The following POLR1B variants were observed in gnomAD, a reference collection of about 807,000 sequenced individuals.
POLR1B encodes the protein RNA polymerase I subunit B.
Under a neutral mutation model 105.8 loss-of-function variants are expected in POLR1B, and 30 were observed. The ratio of observed to expected loss-of-function variants is 0.28; its 90% CI spans 0.21 to 0.38. The LOEUF is 0.38. Among genes scored for constraint, POLR1B ranks in the 10% least tolerant of loss-of-function variants. The probability of loss-of-function intolerance (pLI) is 1.00; values close to 1 mark genes in which losing one functional copy is unlikely to be tolerated. For synonymous variants in POLR1B, 485 were observed against 505.1 expected, an observed-to-expected ratio of 0.96 and a Z score of 0.53; for missense variants, 976 against 1,435.8, an observed-to-expected ratio of 0.68 and a Z score of 5.17.
intron 1 of POLR1B, 186 bp downstream of exon 1, chr2:112,542,857 G>C: frequency 1.5e-6 from 1 of 684,360 alleles, no homozygotes; most frequent in Non-Finnish European, 2.4e-6. Flanking sequence ...GAGTCGAGGC[G>C]TCTTAAGAGA....
At chr2:112,564,121 G>T (rs1420645827) in intron 9 of POLR1B, among the ~76,000 whole-genome samples, 5 of 152,118 alleles carry the variant, frequency 3.3e-5, no homozygotes, top group African/African-American at 1.2e-4. Flanking sequence ...TTGAAATATT[G>T]CAAGAATTAC....
rs1226868512 is a variant in POLR1B, at chr2:112,577,229, A to C, written c.*1500A>C. The C allele has an allele frequency of 3.3e-5, 5 of 152,264 alleles. No individual in the cohort carries two copies. The highest frequency in any genetic ancestry group is 7.3e-5 in the Non-Finnish European group (5 of 68,048). The allele number at this position is 152,264 out of a possible 1,614,324, so 9.4% of individuals were successfully genotyped here. On this transcript the variant is annotated 3_prime_UTR_variant, in exon 15 of 15. Coordinates refer to ENST00000263331, the MANE Select transcript of POLR1B (RefSeq NM_019014.6). The stretch of plus-strand genomic sequence containing the variant: ...AATTATAAGGCAGATAGGAACAGAC[A>C]GAAAAATCTATCATTTCAAGATAGG...
intron 3 of POLR1B, chr2:112,548,254 G>C (rs1683162603): frequency 6.6e-6 from 1 of 152,208 alleles, no homozygotes; most frequent in Admixed American, 6.5e-5. Flanking sequence ...TTTGGTGTCA[G>C]ATCTGGGTTT....
chr2:112,567,660 T>A (rs1684360366), intron 10 of POLR1B, among the ~76,000 whole-genome samples: 1 of 152,176 alleles, frequency 6.6e-6, no homozygotes, highest in Non-Finnish European at 1.5e-5. Flanking sequence ...ATTACAGGTA[T>A]AAGCCACCCC....
Position 112,553,539 on chromosome 2 carries a change from C to T in POLR1B, c.1158+723C>T, listed in dbSNP as rs372773197. On this transcript the variant is annotated intron_variant, in intron 7 of 14. Coordinates refer to ENST00000263331, the MANE Select transcript of POLR1B (RefSeq NM_019014.6). ...ATGTTGTACAGGCTGGTCTCAAACT[C>T]CTGGGCTCATGTGATCCTCCTGTTT... 9 of 152,152 alleles carry T rather than the reference C, an allele frequency of 5.9e-5. No individual in the cohort carries two copies. In the East Asian group the frequency reaches 7.7e-4, roughly 13 times the overall value. The allele number at this position is 152,152 out of a possible 1,614,324, so 9.4% of individuals were successfully genotyped here. A position where few individuals can be genotyped will look rare whatever the true frequency, so the allele number is the denominator to read the frequency against.
At chr2:112,559,667 G>A in intron 9 of POLR1B, 93 bp downstream of exon 9, 1 of 1,462,280 alleles carries the variant, frequency 6.8e-7, no homozygotes, top group Non-Finnish European at 9.4e-7. Context: ...GTGTTGCTAT[G>A]TCGCCCAGGC....
intron 1 of POLR1B, chr2:112,545,740 A>AG (rs1683006218): frequency 4.1e-6 from 1 of 243,610 alleles, no homozygotes; most frequent in Non-Finnish European, 8.3e-6. Flanking sequence ...TCCAGGATCA[A>AG]GTGATCCTCC....
chr2:112,574,677 G>A (rs1684768507), intron 14 of POLR1B, among the ~76,000 whole-genome samples, 170 bp from the exon 15 acceptor site: 2 of 142,634 alleles, frequency 1.4e-5, no homozygotes, highest in Admixed American at 1.5e-4. Context: ...AGCTGTAATT[G>A]CACCACCGCA....
Position 112,574,877 on chromosome 2 carries a change from C to T in POLR1B, c.2556C>T (p.Ile852=). 1 of 1,612,632 alleles carries T rather than the reference C, an allele frequency of 6.2e-7. No homozygotes were observed. Among genetic ancestry groups the T allele is most frequent in the Non-Finnish European group, 8.5e-7 (1 of 1,178,838 alleles). The change falls in exon 15 of 15, where the codon ATC becomes ATT. Residue 852 remains isoleucine, a synonymous_variant. Transcript: ENST00000263331. ...AAGAAAATTGTGTTGTGGATAACAT[C>T]AAAGTGTGCAGTAATGACACTGGGA... is the stretch of plus-strand genomic sequence containing the variant. ...KSKENCVVDN[I]KVCSNDTGSG...
chr2:112,569,021 C>A, intron 12 of POLR1B, 119 bp downstream of exon 12: 1 of 1,145,246 alleles, frequency 8.7e-7, no homozygotes, highest in Non-Finnish European at 1.2e-6. Flanking sequence ...CAGTTTATGG[C>A]AAGTTTTTCT....
chr2:112,572,491 A>T, intron 12 of POLR1B, 71 bp from the exon 13 acceptor site: 1 of 1,098,480 alleles, frequency 9.1e-7, no homozygotes, highest in East Asian at 2.6e-5. Context: ...AGTTGTTTCC[A>T]GTGTTGCGTA....
At chr2:112,574,805 TAAAAC>T (rs1164951395) in intron 14 of POLR1B, 37 bp from the exon 15 acceptor site, 1 of 1,518,886 alleles carries the variant, frequency 6.6e-7, no homozygotes, top group Non-Finnish European at 8.9e-7. Context: ...CTCCATAAGT[TAAAAC>T]AAATAGGTTG....
chr2:112,564,308 A>C, intron 9 of POLR1B, 58 bp from the exon 10 acceptor site: 6 of 1,590,576 alleles, frequency 3.8e-6, no homozygotes, highest in Non-Finnish European at 5.2e-6. Flanking sequence ...TCTGGAGGGA[A>C]TCTGGAATGT....
chr2:112,546,544 CTTTTTTTTTTTTTTTTTTT>C (rs869087985), intron 1 of POLR1B, among the ~76,000 whole-genome samples: 7 of 53,158 alleles, frequency 1.3e-4, no homozygotes, highest in South Asian at 2.1e-3. Flanking sequence ...CTGGAGGTAG[CTTTTTTTTTTTTTTTTTTT>C]TTTTTTTTTT....
Position 112,579,205 on chromosome 2 carries a change from TCTCAAAAAAAAAAAAAA to T in POLR1B, c.*3477_*3493del. 2.2e-5 allele frequency among the ~76,000 whole-genome samples: 1 copy of T among 44,852 alleles called. No homozygotes were observed. Among genetic ancestry groups the T allele is most frequent in the African/African-American group, 9.8e-5 (1 of 10,208 alleles). The allele number at this position is 44,852 out of a possible 152,430, so 29.4% of individuals were successfully genotyped here. ...CCTGGGCAACAGAGCAAGACTAGAG[TCTCAAAAAAAAAAAAAA>T]AAAAAAAAAAAAAAAAAAGGAAAGC... On this transcript the variant is annotated 3_prime_UTR_variant, in exon 15 of 15. Coordinates refer to ENST00000263331, the MANE Select transcript of POLR1B (RefSeq NM_019014.6).
chr2:112,545,262 A>C (rs10864904), intron 1 of POLR1B, among the ~76,000 whole-genome samples: 81,953 of 151,788 alleles, frequency 0.54, 22,374 homozygotes, highest in Middle Eastern at 0.68. Context: ...GGACTCAATA[A>C]TATATATTAG....
At chr2:112,547,595 A>G (rs775538602) in intron 3 of POLR1B, 28 bp downstream of exon 3, 1 of 1,605,620 alleles carries the variant, frequency 6.2e-7, no homozygotes, top group Non-Finnish European at 8.5e-7. Context: ...GGCATGAGAC[A>G]GTAGAGAAGG....
rs1412756850 is a variant in POLR1B, at chr2:112,579,188, A to G, written c.*3459A>G. Among the ~76,000 whole-genome samples, 1 of 128,766 alleles carries G rather than the reference A, an allele frequency of 7.8e-6. No individual in the cohort carries two copies. Among genetic ancestry groups the G allele is most frequent in the Non-Finnish European group, 1.6e-5 (1 of 62,334 alleles). The allele number at this position is 128,766 out of a possible 152,430, so 84.5% of individuals were successfully genotyped here. A position where few individuals can be genotyped will look rare whatever the true frequency, so the allele number is the denominator to read the frequency against. ...ACGCCACTGCACAGCAACCTGGGCA[A>G]CAGAGCAAGACTAGAGTCTCAAAAA... On this transcript the variant is annotated 3_prime_UTR_variant, in exon 15 of 15. Transcript: ENST00000263331.
Position 112,550,875 on chromosome 2 carries a change from T to C in POLR1B, c.635T>C (p.Met212Thr). 1.9e-6 allele frequency: 3 copies of C among 1,614,128 alleles called. No homozygotes were observed. Among genetic ancestry groups the C allele is most frequent in the Non-Finnish European group, 2.5e-6 (3 of 1,179,982 alleles). ...GPGYTQYGVSMHCVREEHSAV... is the reference protein window; with the variant it reads ...GPGYTQYGVSTHCVREEHSAV... ...TTGTTTGGTTCAATAGGAGTTTCAATGCACTGTGTGAGGGAAGAACATTCC... is the reference window on the plus strand; with the variant it reads ...TTGTTTGGTTCAATAGGAGTTTCAACGCACTGTGTGAGGGAAGAACATTCC... Residue 212 changes from methionine (M) to threonine (T), a missense_variant, in exon 5 of 15, where the codon ATG becomes ACG. Met to Thr is a moderately conservative substitution (Grantham distance 81). Around this residue, in one of 12 missense-constraint regions of POLR1B, gnomAD observed 452 missense variants for 616.5 expected, o/e 0.73. Coordinates refer to ENST00000263331, the MANE Select transcript of POLR1B (RefSeq NM_019014.6).
Sources: allele counts gnomAD v4.1 joint callset (sites outside exome capture counted in the v4.1 genomes callset), GRCh38; gene constraint gnomAD v4.1.1; regional missense constraint gnomAD v4.1.1; transcripts MANE v1.5; gene names NCBI Gene and HGNC (gene_info 2026-07-23, HGNC 2026-07-21).